GALNT14: variants seen among roughly 807,000 people sequenced by gnomAD.
The protein encoded by GALNT14 is polypeptide N-acetylgalactosaminyltransferase 14, also known as UDP-GalNAc:polypeptide N-acetylgalactosaminyltransferase 14.
In GALNT14, 60 loss-of-function variants were observed where a neutral mutation model predicts 77.5. The ratio of observed to expected loss-of-function variants is 0.77; its 90% CI spans 0.63 to 0.96. The LOEUF (loss-of-function observed/expected upper bound fraction) is 0.96, where lower values mean the gene tolerates loss of function less well. Among genes scored for constraint, GALNT14 ranks in the 40% least tolerant of loss-of-function variants. The pLI, the probability that GALNT14 is intolerant of heterozygous loss-of-function variation, is 0.00. For missense variants in GALNT14, 710 were observed against 731.0 expected (o/e 0.97, Z 0.33); for synonymous variants, 280 against 281.7 (o/e 0.99, Z 0.06).
intron 13 of GALNT14, among the ~76,000 whole-genome samples, chr2:30,918,964 G>C (rs552402956): frequency 6.6e-6 from 1 of 152,144 alleles, no homozygotes; most frequent in African/African-American, 2.4e-5. Context: ...AGGCACCAGT[G>C]CCAGTCCAGA....
intron 1 of GALNT14, among the ~76,000 whole-genome samples, chr2:31,041,179 A>G (rs1673071572): frequency 6.6e-6 from 1 of 152,208 alleles, no homozygotes; most frequent in Non-Finnish European, 1.5e-5. Context: ...CACTCACTGC[A>G]GATGCTAGAA....
At chr2:31,048,028 A>C (rs1322856909) in intron 1 of GALNT14, among the ~76,000 whole-genome samples, 2 of 152,224 alleles carry the variant, frequency 1.3e-5, no homozygotes. Flanking sequence ...AGGGTCCATA[A>C]GATTTAAAAC....
chr2:31,030,192 C>T (rs1243281737), intron 1 of GALNT14, among the ~76,000 whole-genome samples: 4 of 152,128 alleles, frequency 2.6e-5, no homozygotes, highest in Non-Finnish European at 5.9e-5. Flanking sequence ...CCTAAGTGGA[C>T]AGGTTAGGGA....
intron 1 of GALNT14, among the ~76,000 whole-genome samples, chr2:31,041,357 A>G (rs1010683217): frequency 1.3e-5 from 2 of 152,186 alleles, no homozygotes; most frequent in African/African-American, 4.8e-5. Context: ...CTGCCTGAAG[A>G]CAGAGAAGGC....
the GALNT14 span, among the ~76,000 whole-genome samples, chr2:30,902,532 T>A: frequency 6.6e-6 from 1 of 152,090 alleles, no homozygotes. Context: ...CACATCAAAA[T>A]AGGCTGAGAT....
chr2:30,941,321 T>C (rs1312185280), intron 9 of GALNT14, among the ~76,000 whole-genome samples: 1 of 152,164 alleles, frequency 6.6e-6, no homozygotes, highest in Non-Finnish European at 1.5e-5. Flanking sequence ...AGGAGCAAAA[T>C]GGACCCCAAC....
At chr2:31,101,958 C>A (rs552043441) in intron 1 of GALNT14, among the ~76,000 whole-genome samples, 1 of 152,184 alleles carries the variant, frequency 6.6e-6, no homozygotes, top group East Asian at 1.9e-4. Context: ...CTCCTTGCTG[C>A]TTCATGTGAA....
intron 1 of GALNT14, among the ~76,000 whole-genome samples, chr2:31,009,267 A>T (rs1273619454): frequency 6.6e-6 from 1 of 152,036 alleles, no homozygotes; most frequent in Admixed American, 6.6e-5. Context: ...AATTTGGCAC[A>T]TTCATCTTCC....
chr2:31,094,925 C>G (rs1573340110), intron 1 of GALNT14, among the ~76,000 whole-genome samples: 1 of 152,148 alleles, frequency 6.6e-6, no homozygotes, highest in Non-Finnish European at 1.5e-5. Flanking sequence ...GACCAGGAGC[C>G]AGGTCACAGC....
chr2:30,961,926 C>T (rs1372562524), intron 3 of GALNT14, among the ~76,000 whole-genome samples: 1 of 152,104 alleles, frequency 6.6e-6, no homozygotes, highest in African/African-American at 2.4e-5. Context: ...CTCCTGACAT[C>T]AGGTGATCTG....
chr2:31,101,575 A>C (rs1677278317), intron 1 of GALNT14, among the ~76,000 whole-genome samples: 2 of 151,974 alleles, frequency 1.3e-5, no homozygotes, highest in South Asian at 4.2e-4. Flanking sequence ...TCCACTTTTC[A>C]AACCTATTTG....
At chr2:31,132,663 C>G (rs1169269555) in intron 1 of GALNT14, 3 of 464,788 alleles carry the variant, frequency 6.5e-6, no homozygotes, top group South Asian at 1.6e-5. Flanking sequence ...AACTTCCAAG[C>G]TGTCTTTGTT....
intron 8 of GALNT14, 98 bp from the exon 9 acceptor site, chr2:30,942,402 T>A (rs1414139212): frequency 3.5e-6 from 3 of 862,368 alleles, no homozygotes; most frequent in Admixed American, 2.2e-5. Context: ...ATTTCCCATT[T>A]GGGGAAAGAA....
At chr2:31,081,049 A>G (rs2148583954) in intron 1 of GALNT14, among the ~76,000 whole-genome samples, 1 of 152,352 alleles carries the variant, frequency 6.6e-6, no homozygotes, top group Non-Finnish European at 1.5e-5. Context: ...GGCTGATAAG[A>G]TGGAAGAGAA....
chr2:30,956,293 C>G (rs1275211793), intron 4 of GALNT14, among the ~76,000 whole-genome samples: 1 of 152,130 alleles, frequency 6.6e-6, no homozygotes, highest in Non-Finnish European at 1.5e-5. Context: ...CACCTGGGGA[C>G]ATTTCTCTTT....
At chr2:30,971,946 A>C (rs1190568628) in intron 2 of GALNT14, among the ~76,000 whole-genome samples, 1 of 152,152 alleles carries the variant, frequency 6.6e-6, no homozygotes, top group African/African-American at 2.4e-5. Flanking sequence ...CCATTTCATC[A>C]ATGAGCAGTC....
intron 1 of GALNT14, among the ~76,000 whole-genome samples, chr2:31,115,853 T>G (rs970739564): frequency 1.3e-5 from 2 of 152,088 alleles, no homozygotes; most frequent in Non-Finnish European, 2.9e-5. Context: ...AGACCCTATT[T>G]TTAAAATAAA....
intron 1 of GALNT14, among the ~76,000 whole-genome samples, chr2:31,021,385 A>G (rs993930442): frequency 2.7e-5 from 4 of 148,772 alleles, no homozygotes; most frequent in African/African-American, 1.0e-4. Context: ...GCTCACTGCA[A>G]CCTCCGCCTC....
chr2:30,936,172 C>T (rs1211371679), intron 9 of GALNT14, among the ~76,000 whole-genome samples: 1 of 152,088 alleles, frequency 6.6e-6, no homozygotes, highest in African/African-American at 2.4e-5. Context: ...TGCCCTCCCG[C>T]CCTCCATTCC....
Sources: allele counts gnomAD v4.1 joint callset (sites outside exome capture counted in the v4.1 genomes callset), GRCh38; gene constraint gnomAD v4.1.1; transcripts MANE v1.5; gene names NCBI Gene and HGNC (gene_info 2026-07-23, HGNC 2026-07-21).